Variants in C18orf63 observed in about 807,000 individuals in gnomAD.
C18orf63 encodes uncharacterized protein C18orf63.
Under a neutral mutation model 75.3 loss-of-function variants are expected in C18orf63, and 50 were observed. That is an observed-to-expected ratio of 0.66 (90% CI 0.53 to 0.84). The LOEUF (loss-of-function observed/expected upper bound fraction) is 0.84. Among genes scored for constraint, C18orf63 ranks in the 40% least tolerant of loss-of-function variants. C18orf63 has a pLI of 0.00. For missense variants in C18orf63, 732 were observed against 800.2 expected (o/e 0.91, Z 1.03); for synonymous variants, 232 against 267.6 (o/e 0.87, Z 1.30).
chr18:74,334,471 A>G (rs1376101610), intron 7 of C18orf63, among the ~76,000 whole-genome samples: 2 of 152,192 alleles, frequency 1.3e-5, no homozygotes, highest in African/African-American at 4.8e-5. Flanking sequence ...CAGTAAATCT[A>G]CATTTACAGT....
At chr18:74,321,273 C>T (rs1245318778) in intron 3 of C18orf63, among the ~76,000 whole-genome samples, 1 of 151,852 alleles carries the variant, frequency 6.6e-6, no homozygotes, top group Non-Finnish European at 1.5e-5. Context: ...ATGTCCACCT[C>T]GTATTTTCCC....
chr18:74,351,957 C>T (rs1184909574), intron 11 of C18orf63, among the ~76,000 whole-genome samples: 1 of 152,102 alleles, frequency 6.6e-6, no homozygotes, highest in Non-Finnish European at 1.5e-5. Flanking sequence ...TGCTACCTAT[C>T]ACTCTTTTAC....
intron 4 of C18orf63, among the ~76,000 whole-genome samples, chr18:74,326,484 G>C (rs1206856504): frequency 2.0e-5 from 3 of 152,122 alleles, no homozygotes; most frequent in South Asian, 4.1e-4. Context: ...ACTCTCTGTT[G>C]ACCTCCAGAG....
chr18:74,331,438 A>C (rs1211156900), intron 7 of C18orf63, among the ~76,000 whole-genome samples: 1 of 152,190 alleles, frequency 6.6e-6, no homozygotes, highest in Non-Finnish European at 1.5e-5. Flanking sequence ...AGAACCTTAC[A>C]CACTAGTGTC....
At position 74,347,586 on chromosome 18, in the gene C18orf63, G is replaced by C. The variant is rs147890002; in HGVS notation, c.978+3884G>C. Among the ~76,000 whole-genome samples the C allele has an allele frequency of 5.3e-5, 8 of 152,254 alleles. No individual in the cohort carries two copies. The East Asian group carries it at 1.5e-3, about 29-fold the overall frequency. ...TGTCTTTTGCAGTACTTACTTCAGA[G>C]GGGTTTTTAGGACTAAATGAGATAA... On this transcript the variant is annotated intron_variant, in intron 11 of 13. Transcript: ENST00000579455.
chr18:74,331,045 G>A (rs953233402), intron 7 of C18orf63, 103 bp downstream of exon 7: 43 of 417,254 alleles, frequency 1.0e-4, no homozygotes, highest in Middle Eastern at 1.3e-3. Context: ...AACATAAAGC[G>A]TGCTAGAAAG....
At chr18:74,349,747 C>A (rs532360879) in intron 11 of C18orf63, among the ~76,000 whole-genome samples, 89 of 152,156 alleles carry the variant, frequency 5.8e-4, no homozygotes, top group African/African-American at 2.1e-3. Context: ...GAGGACTACT[C>A]CTCTATAGCA....
intron 8 of C18orf63, among the ~76,000 whole-genome samples, chr18:74,340,212 C>T (rs1347025308): frequency 2.0e-5 from 3 of 152,192 alleles, no homozygotes; most frequent in Admixed American, 2.0e-4. Context: ...AATAACATTT[C>T]TCAAAAGAAG....
chr18:74,353,820 C>T lies in C18orf63; in HGVS notation c.1553C>T (p.Ser518Phe), dbSNP rs1186364385. 1 of 1,535,630 alleles carries T rather than the reference C, an allele frequency of 6.5e-7. No homozygotes were observed. Among genetic ancestry groups the T allele is most frequent in the Non-Finnish European group, 8.7e-7 (1 of 1,146,694 alleles). The change falls in exon 12 of 14, where the codon TCT becomes TTT. Residue 518 changes from serine to phenylalanine, a missense_variant. Ser to Phe is a radical substitution (Grantham distance 155, BLOSUM62 -2). This residue lies in a region of C18orf63 where 495 missense variants were observed against 508.7 expected (regional missense o/e 0.97). Transcript: ENST00000579455. ...SRPLQEKNTE[S>F]SENMTKFPSS... is the part of the protein sequence containing the mutation. ...CCTCTGCAAGAAAAAAATACAGAGT[C>T]TTCTGAAAATATGACAAAATTTCCC...
chr18:74,324,455 T>A (rs532284197), intron 4 of C18orf63, among the ~76,000 whole-genome samples: 3 of 152,210 alleles, frequency 2.0e-5, no homozygotes, highest in South Asian at 4.1e-4. Context: ...ATAGGAACTT[T>A]TATTTATATC....
chr18:74,317,768 T>C, intron 1 of C18orf63, 66 bp from the exon 2 acceptor site: 20 of 894,130 alleles, frequency 2.2e-5, no homozygotes, highest in South Asian at 6.0e-5. Flanking sequence ...TATTGTGTGC[T>C]GACTTGGTAT....
intron 3 of C18orf63, among the ~76,000 whole-genome samples, chr18:74,322,282 C>T (rs2145115233): frequency 1.3e-5 from 2 of 152,304 alleles, no homozygotes; most frequent in East Asian, 3.9e-4. Flanking sequence ...AGTTGTCAGT[C>T]TGTTAGGTTA....
In C18orf63 at chr18:74,353,383, T is replaced by G; in HGVS notation, c.1116T>G (p.Leu372=). The change falls in exon 12 of 14, where the codon CTT becomes CTG. Residue 372 remains leucine, a synonymous_variant. Transcript: ENST00000579455. ...TAGCAGTGGACCACAAGGTGGAGCT[T>G]TCAGTCAGCCAGCCAACATCAGGCA... ...CSVAVDHKVE[L]SVSQPTSGIF... is the part of the protein sequence containing the mutation. The G allele has an allele frequency of 6.5e-7, 1 of 1,536,314 alleles. No individual in the cohort carries two copies. The highest frequency in any genetic ancestry group is 1.4e-5 in the African/African-American group (1 of 73,136).
chr18:74,329,346 C>T (rs1198602665), intron 6 of C18orf63, among the ~76,000 whole-genome samples: 1 of 144,386 alleles, frequency 6.9e-6, no homozygotes, highest in Admixed American at 7.1e-5. Context: ...TGCATTCCAG[C>T]CTGGGTGACA....
chr18:74,355,100 A>T (rs936428898), intron 13 of C18orf63, among the ~76,000 whole-genome samples: 1 of 152,232 alleles, frequency 6.6e-6, no homozygotes, highest in Non-Finnish European at 1.5e-5. Context: ...TCTAAGAACA[A>T]ACATATTACT....
In C18orf63 at chr18:74,353,267, A is replaced by G; in HGVS notation, c.1000A>G (p.Asn334Asp). 1 of 1,535,674 alleles carries G rather than the reference A, an allele frequency of 6.5e-7. No individual in the cohort carries two copies. The part of the protein sequence containing the change: ...NIQEHKVKPP[N>D]LTTKKMLRAS... The stretch of plus-strand genomic sequence containing the variant: ...TCAGGAACACAAAGTCAAGCCACCC[A>G]ATTTGACCACTAAAAAAATGCTTAG... Residue 334 changes from asparagine (N) to aspartate (D), a missense_variant, in exon 12 of 14, where the codon AAT (asparagine) becomes GAT (aspartate). Physicochemically the swap from Asn to Asp is conservative, Grantham distance 23. Coordinates refer to ENST00000579455, the MANE Select transcript of C18orf63 (RefSeq NM_001174123.2).
intron 7 of C18orf63, 93 bp downstream of exon 7, chr18:74,331,035 A>C (rs1383586465): frequency 2.2e-6 from 1 of 460,118 alleles, no homozygotes; most frequent in African/African-American, 2.0e-5. Context: ...TTTAATTTTT[A>C]ACATAAAGCG....
intron 4 of C18orf63, among the ~76,000 whole-genome samples, chr18:74,327,407 G>A (rs1021221207): frequency 1.3e-5 from 2 of 152,056 alleles, no homozygotes; most frequent in Non-Finnish European, 2.9e-5. Flanking sequence ...AGCTTAGAAG[G>A]TGTATAAGCT....
intron 13 of C18orf63, among the ~76,000 whole-genome samples, chr18:74,355,775 G>A (rs2145134992): frequency 6.6e-6 from 1 of 152,286 alleles, no homozygotes; most frequent in South Asian, 2.1e-4. Flanking sequence ...CAAAAAATTA[G>A]CTGGACGTGC....
Sources: allele counts gnomAD v4.1 joint callset (sites outside exome capture counted in the v4.1 genomes callset), GRCh38; gene constraint gnomAD v4.1.1; regional missense constraint gnomAD v4.1.1; transcripts MANE v1.5; gene names NCBI Gene and HGNC (gene_info 2026-07-23, HGNC 2026-07-21).